The following PUM1 variants were observed in gnomAD, a reference collection of about 807,000 sequenced individuals.
PUM1 encodes the protein pumilio RNA binding family member 1, also known as pumilio homolog 1.
In PUM1, 13 loss-of-function variants were observed where a neutral mutation model predicts 131.8. The observed-to-expected ratio is 0.10, with a 90% CI of 0.06 to 0.16. PUM1 has a LOEUF of 0.16. Among genes scored for constraint, PUM1 ranks in the 10% least tolerant of loss-of-function variants. PUM1 has a pLI of 1.00. For synonymous variants in PUM1, 509 were observed against 556.5 expected (o/e 0.91, Z 1.20); for missense variants, 961 against 1,512.4 (o/e 0.64, Z 6.05).
At chr1:30,977,463 ACT>A (rs1310474610) in intron 9 of PUM1, among the ~76,000 whole-genome samples, 3 of 152,094 alleles carry the variant, frequency 2.0e-5, no homozygotes, top group Admixed American at 1.3e-4. Context: ...CATCTGCATT[ACT>A]CTCTAAATTT....
In PUM1 at chr1:30,936,938, G is replaced by A. The variant is rs1350781677; in HGVS notation, c.3243-103C>T. ...CCTGACCTCCGGACCAGCAGGGAGA[G>A]AGAGCTATTTAACATTTGAGGAAGA... On this transcript the variant is annotated intron_variant, in intron 20 of 21. Coordinates refer to ENST00000426105, the MANE Select transcript of PUM1 (RefSeq NM_001020658.2). 7 of 972,340 alleles carry A rather than the reference G, an allele frequency of 7.2e-6. No homozygotes were observed. In the African/African-American group the frequency reaches 1.2e-4, roughly 16 times the overall value. 60.2% of individuals were successfully genotyped at this position (972,340 alleles called of 1,614,324 possible).
chr1:31,038,978 A>ATTT (rs1557599225), intron 2 of PUM1, among the ~76,000 whole-genome samples: 2 of 30,034 alleles, frequency 6.7e-5, no homozygotes, highest in Non-Finnish European at 1.1e-4. Flanking sequence ...ATATATATAT[A>ATTT]TATATATTTT....
chr1:31,030,605 G>A (rs1009056529), intron 2 of PUM1, among the ~76,000 whole-genome samples: 6 of 152,138 alleles, frequency 3.9e-5, no homozygotes, highest in South Asian at 4.2e-4. Context: ...CAGCTACTCC[G>A]GAGGCTGAGG....
At chr1:30,950,311 A>G (rs1350750163) in intron 16 of PUM1, 50 bp from the exon 17 acceptor site, 1 of 1,575,622 alleles carries the variant, frequency 6.3e-7, no homozygotes, top group South Asian at 1.2e-5. Flanking sequence ...AAGGAAATAA[A>G]CCAGAGAAAG....
At chr1:30,940,105 A>G (rs1325750692) in intron 20 of PUM1, among the ~76,000 whole-genome samples, 2 of 152,172 alleles carry the variant, frequency 1.3e-5, no homozygotes, top group Non-Finnish European at 2.9e-5. Context: ...TAGGCTATGG[A>G]GACACTGGAT....
At chr1:31,024,465 A>G (rs546836726) in intron 3 of PUM1, among the ~76,000 whole-genome samples, 10 of 152,342 alleles carry the variant, frequency 6.6e-5, no homozygotes, top group African/African-American at 2.4e-4. Context: ...AGCACTTTCT[A>G]GATTTCCTTT....
intron 7 of PUM1, 151 bp downstream of exon 7, chr1:30,992,239 T>C: frequency 9.4e-7 from 1 of 1,058,766 alleles, no homozygotes; most frequent in Non-Finnish European, 1.3e-6. Flanking sequence ...GAGGGGACTC[T>C]GTAAACCTAC....
intron 5 of PUM1, among the ~76,000 whole-genome samples, chr1:31,000,495 T>C (rs558356744): frequency 2.0e-5 from 3 of 152,278 alleles, no homozygotes; most frequent in South Asian, 4.2e-4. Context: ...GGTAGAACTA[T>C]ATATTGTTGA....
Position 31,038,956 on chromosome 1 carries a change from TTTTATA to T in PUM1, c.364-10098_364-10093del, listed in dbSNP as rs1220410125. On this transcript the variant is annotated intron_variant, in intron 2 of 21. Coordinates refer to ENST00000426105, the MANE Select transcript of PUM1 (RefSeq NM_001020658.2). ...TATAGCCATTTAAAATGTTTTAAAA[TTTTATA>T]TATATATATATATATATATATATTT... Among the ~76,000 whole-genome samples, 19 of 42,536 alleles carry T rather than the reference TTTTATA, an allele frequency of 4.5e-4. 1 individual carries two copies. The highest frequency in any genetic ancestry group is 7.5e-4 in the African/African-American group (5 of 6,666). The allele number at this position is 42,536 out of a possible 152,430, so 27.9% of individuals were successfully genotyped here.
At chr1:31,051,744 T>A (rs1644114721) in intron 2 of PUM1, among the ~76,000 whole-genome samples, 1 of 152,096 alleles carries the variant, frequency 6.6e-6, no homozygotes, top group Non-Finnish European at 1.5e-5. Context: ...CCTCCAAATT[T>A]CCCTTCCCCC....
rs35459131 is a variant in PUM1 at position 31,026,944 on chromosome 1, C to CAA, written c.432+1850_432+1851dup. On this transcript the variant is annotated intron_variant, in intron 3 of 21. Transcript: ENST00000426105. ...CCCACGGAATTATATACATATACCA[C>CAA]AAAAAAAAAAAAAAAAAGGCGTTTC... Among the ~76,000 whole-genome samples, 992 of 106,464 alleles carry CAA rather than the reference C, an allele frequency of 9.3e-3. 17 individuals are homozygous for CAA. Among genetic ancestry groups the CAA allele is most frequent in the African/African-American group, 0.028 (897 of 31,676 alleles). 69.8% of individuals were successfully genotyped at this position (106,464 alleles called of 152,430 possible).
chr1:31,027,361 G>T (rs749994364), intron 3 of PUM1, among the ~76,000 whole-genome samples: 2 of 152,182 alleles, frequency 1.3e-5, no homozygotes, highest in Non-Finnish European at 2.9e-5. Flanking sequence ...GAGTAAGAAA[G>T]ACAATACATA....
rs754534819 is a variant in PUM1, at chr1:30,942,058, G to C, written c.3060C>G (p.Leu1020=). 3 of 1,602,014 alleles carry C rather than the reference G, an allele frequency of 1.9e-6. No homozygotes were observed. Among genetic ancestry groups the C allele is most frequent in the Non-Finnish European group, 2.6e-6 (3 of 1,172,876 alleles). The change falls in exon 19 of 22, where the codon CTC becomes CTG. Residue 1020 remains leucine, a synonymous_variant. Coordinates refer to ENST00000426105, the MANE Select transcript of PUM1 (RefSeq NM_001020658.2). ...CTAAAATAGGGAGTGTCTGGTCAGG[G>C]AGACAGTGCTCCAGGATTCTCTGAA... ...RVIQRILEHC[L]PDQTLPILEE...
rs1310723583 is a variant in PUM1, at chr1:30,932,639, T to TTTTA, written c.*571_*572insTAAA. The TTTTA allele has an allele frequency of 1.4e-4, 13 of 92,668 alleles. No homozygotes were observed. Among genetic ancestry groups the TTTTA allele is most frequent in the African/African-American group, 4.1e-4 (13 of 31,564 alleles). 5.7% of individuals were successfully genotyped at this position (92,668 alleles called of 1,614,324 possible). A position where few individuals can be genotyped will look rare whatever the true frequency, so the allele number is the denominator to read the frequency against. ...TTTAGCAACTCTGAAACCTTTTTCA[T>TTTTA]TATATATATATATATATATATATAT... On this transcript the variant is annotated 3_prime_UTR_variant, in exon 22 of 22. Coordinates refer to ENST00000426105, the MANE Select transcript of PUM1 (RefSeq NM_001020658.2).
intron 2 of PUM1, among the ~76,000 whole-genome samples, chr1:31,034,178 T>G (rs1481550690): frequency 2.0e-5 from 3 of 152,222 alleles, no homozygotes; most frequent in African/African-American, 7.2e-5. Context: ...TCAGTTCTTG[T>G]ACTTGCTTTA....
chr1:30,992,451 T>C lies in PUM1; in HGVS notation c.1097A>G (p.Gln366Arg). The C allele has an allele frequency of 6.2e-7, 1 of 1,614,226 alleles. No individual in the cohort carries two copies. The highest frequency in any genetic ancestry group is 8.5e-7 in the Non-Finnish European group (1 of 1,180,032). Residue 366 changes from glutamine to arginine, a missense_variant, in exon 7 of 22, where the codon CAG becomes CGG. This residue lies in a region of PUM1 where 654 missense variants were observed against 923.9 expected (regional missense o/e 0.71). Transcript: ENST00000426105. Reference sequence around the variant, plus strand: ...TGCTGCTGCTGAGTCCACAGGTACCTGCGTGCCTGAATAATCAAACTGAAG... The same window carrying C: ...TGCTGCTGCTGAGTCCACAGGTACCCGCGTGCCTGAATAATCAAACTGAAG... ...EPLQFDYSGT[Q>R]VPVDSAAATV...
intron 20 of PUM1, among the ~76,000 whole-genome samples, chr1:30,940,044 AC>A (rs1639380453): frequency 6.6e-6 from 1 of 151,970 alleles, no homozygotes; most frequent in South Asian, 2.1e-4. Flanking sequence ...GTCAAAAGGA[AC>A]CCCCCAAAAC....
Position 31,006,910 on chromosome 1 carries a change from GTA to G in PUM1, c.541+82_541+83del, listed in dbSNP as rs892150904. The G allele has an allele frequency of 6.5e-5, 67 of 1,029,328 alleles. No homozygotes were observed. In the Admixed American group the frequency reaches 1.3e-3, roughly 20 times the overall value. 63.8% of individuals were successfully genotyped at this position (1,029,328 alleles called of 1,614,324 possible). A position where few individuals can be genotyped will look rare whatever the true frequency, so the allele number is the denominator to read the frequency against. ...TGCTTGACATGCTTATGTCACTGAT[GTA>G]AAATTCATGACTTGCCAATTGCTGA... On this transcript the variant is annotated intron_variant, in intron 4 of 21. Coordinates refer to ENST00000426105, the MANE Select transcript of PUM1 (RefSeq NM_001020658.2).
intron 9 of PUM1, among the ~76,000 whole-genome samples, chr1:30,975,842 G>A (rs758853086): frequency 2.0e-5 from 3 of 151,998 alleles, no homozygotes; most frequent in Admixed American, 6.6e-5. Context: ...AGCATTACGG[G>A]AGGCCAAGTT....
Sources: allele counts gnomAD v4.1 joint callset (sites outside exome capture counted in the v4.1 genomes callset), GRCh38; gene constraint gnomAD v4.1.1; regional missense constraint gnomAD v4.1.1; transcripts MANE v1.5; gene names NCBI Gene and HGNC (gene_info 2026-07-23, HGNC 2026-07-21).